Variants in FOXP1 observed in about 807,000 individuals in gnomAD.
FOXP1 encodes the protein forkhead box protein P1.
A neutral mutation model predicts 98.2 loss-of-function variants in FOXP1; 15 were observed. The observed-to-expected ratio is 0.15, with a 90% confidence interval of 0.10 to 0.24. The LOEUF (loss-of-function observed/expected upper bound fraction) is 0.24. Ranked by LOEUF, FOXP1 falls within the 10% of genes least tolerant of loss-of-function variation. FOXP1 has a pLI of 1.00. For missense variants in FOXP1, 633 were observed against 848.5 expected (o/e 0.75, Z 3.15); for synonymous variants, 371 against 314.5 (o/e 1.18, Z -1.90).
At chr3:71,096,229 C>T (rs908620439) in intron 7 of FOXP1, among the ~76,000 whole-genome samples, 7 of 152,178 alleles carry the variant, frequency 4.6e-5, no homozygotes, top group Non-Finnish European at 1.0e-4. Flanking sequence ...AATACTAAGA[C>T]TTTAAGTTGG....
intron 7 of FOXP1, among the ~76,000 whole-genome samples, chr3:71,088,027 A>G (rs1168424095): frequency 6.6e-6 from 1 of 152,250 alleles, no homozygotes; most frequent in Non-Finnish European, 1.5e-5. Flanking sequence ...GAGAAGGCTA[A>G]GCCAGGGCTG....
At chr3:71,525,281 T>C (rs181137375) in intron 2 of FOXP1, among the ~76,000 whole-genome samples, 62 of 152,354 alleles carry the variant, frequency 4.1e-4, no homozygotes, top group African/African-American at 1.4e-3. Flanking sequence ...CAGTGTTGAA[T>C]GAAACGCCTA....
intron 19 of FOXP1, among the ~76,000 whole-genome samples, chr3:70,967,112 A>G (rs2034963739): frequency 6.6e-6 from 1 of 152,228 alleles, no homozygotes; most frequent in Non-Finnish European, 1.5e-5. Context: ...CATCCTAATG[A>G]GAAGAAAAGT....
intron 3 of FOXP1, among the ~76,000 whole-genome samples, chr3:71,436,035 G>C (rs1323006331): frequency 6.6e-6 from 1 of 151,772 alleles, no homozygotes; most frequent in East Asian, 1.9e-4. Context: ...GGGAGAATCT[G>C]TCTACATATA....
intron 9 of FOXP1, among the ~76,000 whole-genome samples, chr3:71,050,199 G>C (rs886683376): frequency 6.6e-6 from 1 of 152,096 alleles, no homozygotes; most frequent in Non-Finnish European, 1.5e-5. Context: ...TTTCCTTTCT[G>C]ACAACAGCAA....
chr3:71,092,474 C>A (rs566285997), intron 7 of FOXP1, among the ~76,000 whole-genome samples: 2 of 151,994 alleles, frequency 1.3e-5, no homozygotes, highest in Non-Finnish European at 2.9e-5. Flanking sequence ...TCAGTATCAG[C>A]GGAAACTGAA....
chr3:71,213,754 T>G (rs931951287), intron 5 of FOXP1, among the ~76,000 whole-genome samples: 4 of 152,134 alleles, frequency 2.6e-5, no homozygotes, highest in Non-Finnish European at 5.9e-5. Flanking sequence ...AAGTGGAGGT[T>G]GCAGTCAGCC....
At chr3:71,257,872 A>G (rs1576624211) in intron 5 of FOXP1, among the ~76,000 whole-genome samples, 1 of 152,144 alleles carries the variant, frequency 6.6e-6, no homozygotes, top group East Asian at 1.9e-4. Context: ...ATCTTTCTGG[A>G]CCTAAGTTTT....
At chr3:71,252,559 C>T (rs569244321) in intron 5 of FOXP1, among the ~76,000 whole-genome samples, 2 of 152,274 alleles carry the variant, frequency 1.3e-5, no homozygotes, top group Middle Eastern at 3.4e-3. Flanking sequence ...TAGAGTATCC[C>T]TGAAGAACAA....
chr3:71,391,644 AC>A (rs1370750350), intron 3 of FOXP1, among the ~76,000 whole-genome samples: 11 of 152,230 alleles, frequency 7.2e-5, no homozygotes, highest in African/African-American at 2.4e-4. Context: ...GCGTTACTAC[AC>A]TGAACATCTG....
At chr3:71,278,204 A>G (rs1367558828) in intron 5 of FOXP1, among the ~76,000 whole-genome samples, 1 of 152,212 alleles carries the variant, frequency 6.6e-6, no homozygotes, top group Non-Finnish European at 1.5e-5. Context: ...AGGGCCTGAC[A>G]CACAGCAAAC....
At chr3:71,076,000 GT>G (rs2053767634) in intron 7 of FOXP1, among the ~76,000 whole-genome samples, 1 of 152,202 alleles carries the variant, frequency 6.6e-6, no homozygotes, top group Non-Finnish European at 1.5e-5. Context: ...GATTACAGGA[GT>G]GAGCCATTGT....
At chr3:71,454,764 A>C (rs1245094711) in intron 3 of FOXP1, among the ~76,000 whole-genome samples, 1 of 151,702 alleles carries the variant, frequency 6.6e-6, no homozygotes, top group Non-Finnish European at 1.5e-5. Flanking sequence ...GAATACGTGG[A>C]TTCGAATCAT....
Position 71,370,800 on chromosome 3 carries a change from T to TG in FOXP1, c.-167-11557_-167-11556insC, listed in dbSNP as rs1372217771. Among the ~76,000 whole-genome samples the TG allele has an allele frequency of 1.3e-3, 186 of 140,866 alleles. 1 individual carries two copies. The highest frequency in any genetic ancestry group is 2.2e-3 in the South Asian group (10 of 4,584). 92.4% of individuals were successfully genotyped at this position (140,866 alleles called of 152,430 possible). On this transcript the variant is annotated intron_variant, in intron 3 of 20. Coordinates refer to ENST00000649528, the MANE Select transcript of FOXP1 (RefSeq NM_001349338.3). ...CCAACCCTAGAGTTTTTTTTGTTGT[T>TG]TTTTTTTTTTTTTTTTACTGAGAAG... is the stretch of plus-strand genomic sequence containing the variant.
intron 3 of FOXP1, among the ~76,000 whole-genome samples, chr3:71,456,209 C>A (rs995325122): frequency 6.6e-6 from 1 of 152,068 alleles, no homozygotes; most frequent in African/African-American, 2.4e-5. Flanking sequence ...AACAAGTCGC[C>A]CTTGCTGTAT....
In FOXP1 at chr3:71,336,518, C is replaced by T. The variant is rs575164694; in HGVS notation, c.-73+22632G>A. 5.3e-4 allele frequency among the ~76,000 whole-genome samples: 80 copies of T among 152,134 alleles called. No homozygotes were observed. In the South Asian group the frequency reaches 7.1e-3, roughly 13 times the overall value. ...AACATGAAAATTTAATGGTTACTTT[C>T]AGAAAAGGAGAGCGAGTCAACTCAT... On this transcript the variant is annotated intron_variant, in intron 4 of 20. Coordinates refer to ENST00000649528, the MANE Select transcript of FOXP1 (RefSeq NM_001349338.3).
intron 3 of FOXP1, among the ~76,000 whole-genome samples, chr3:71,487,028 C>T (rs1037752234): frequency 6.6e-6 from 1 of 152,104 alleles, no homozygotes; most frequent in Admixed American, 6.6e-5. Flanking sequence ...AGCAACTGCA[C>T]CCAGAGAGTG....
intron 3 of FOXP1, among the ~76,000 whole-genome samples, chr3:71,468,425 T>C (rs565716783): frequency 6.6e-6 from 1 of 152,304 alleles, no homozygotes; most frequent in African/African-American, 2.4e-5. Context: ...ACTCTTGCCA[T>C]GTTCTCACAT....
intron 11 of FOXP1, among the ~76,000 whole-genome samples, chr3:71,028,764 C>A (rs1257574373): frequency 6.6e-6 from 1 of 152,170 alleles, no homozygotes; most frequent in Admixed American, 6.5e-5. Flanking sequence ...AACGTAGAAT[C>A]AGTTGGGAGC....
Sources: gnomAD v4.1 joint callset for allele counts (sites outside exome capture counted in the v4.1 genomes callset) on GRCh38, gnomAD v4.1.1 for gene constraint, MANE v1.5 for transcripts, NCBI Gene and HGNC (gene_info 2026-07-23, HGNC 2026-07-21) for gene names.